DOCK10: variants seen among roughly 807,000 people sequenced by gnomAD.
The protein encoded by DOCK10 is dedicator of cytokinesis protein 10.
Under a neutral mutation model 280.1 loss-of-function variants are expected in DOCK10, and 145 were observed. That is an observed-to-expected ratio of 0.52 (90% CI 0.45 to 0.59). The LOEUF is 0.59. Ranked by LOEUF, DOCK10 falls within the 20% of genes least tolerant of loss-of-function variation. The probability of loss-of-function intolerance (pLI) is 0.00; values close to 1 mark genes in which losing one functional copy is unlikely to be tolerated. For synonymous variants in DOCK10, 915 were observed against 942.2 expected (o/e 0.97, Z 0.53); for missense variants, 2,368 against 2,651.7 (o/e 0.89, Z 2.35).
Position 224,805,662 on chromosome 2 carries a change from C to A in DOCK10, c.3815-133G>T. ...GTGTTGTCAAAGACCAACATAACAG[C>A]GTCTGGGATTGGCATTAAAGCCAGC... is the stretch of plus-strand genomic sequence containing the variant. On this transcript the variant is annotated intron_variant, in intron 34 of 55. Transcript: ENST00000258390. This position sits in a 1 kb window ranked among gnomAD's most constrained non-coding sequence, Gnocchi z 4.3. The A allele has an allele frequency of 1.7e-6, 2 of 1,166,004 alleles. No individual in the cohort carries two copies. The highest frequency in any genetic ancestry group is 2.4e-6 in the Non-Finnish European group (2 of 839,128). The allele number at this position is 1,166,004 out of a possible 1,614,324, so 72.2% of individuals were successfully genotyped here.
intron 1 of DOCK10, among the ~76,000 whole-genome samples, chr2:224,996,641 A>G (rs1211644266): frequency 6.6e-6 from 1 of 152,228 alleles, no homozygotes; most frequent in Non-Finnish European, 1.5e-5. Context: ...AAATCAAATA[A>G]GAAAATCCAT....
rs1276750585 is a variant in DOCK10, at chr2:224,770,724, G to T, written c.6205-79C>A. The stretch of plus-strand genomic sequence containing the variant: ...CCACCGCTGGAAGAGGAGCAACTGT[G>T]CACCAATGGTGTGGTACCCCCATCT... On this transcript the variant is annotated intron_variant, in intron 53 of 55. Transcript: ENST00000258390. This position sits in a 1 kb window ranked among gnomAD's most constrained non-coding sequence, Gnocchi z 4.5. 1.9e-6 allele frequency: 2 copies of T among 1,029,870 alleles called. No individual in the cohort carries two copies. Among genetic ancestry groups the T allele is most frequent in the East Asian group, 4.8e-5 (2 of 41,878 alleles). The allele number at this position is 1,029,870 out of a possible 1,614,324, so 63.8% of individuals were successfully genotyped here. A position where few individuals can be genotyped will look rare whatever the true frequency, so the allele number is the denominator to read the frequency against.
At chr2:224,810,221 T>A (rs1219845359) in intron 31 of DOCK10, among the ~76,000 whole-genome samples, 1 of 152,150 alleles carries the variant, frequency 6.6e-6, no homozygotes, top group African/African-American at 2.4e-5. Context: ...TTCACCACTA[T>A]GCAATCTATG....
chr2:224,797,810 A>T (rs903495885), intron 42 of DOCK10, 22 bp downstream of exon 42: 3 of 1,607,522 alleles, frequency 1.9e-6, no homozygotes, highest in African/African-American at 1.3e-5. Flanking sequence ...CCTAAACTTC[A>T]TTGAAACCTG....
At chr2:224,851,895 C>T (rs1696769317) in intron 18 of DOCK10, among the ~76,000 whole-genome samples, 2 of 152,082 alleles carry the variant, frequency 1.3e-5, no homozygotes, top group South Asian at 2.1e-4. Context: ...GATCAGCAAC[C>T]GGGACTGACT....
chr2:224,854,858 A>G (rs897182735), intron 16 of DOCK10, 105 bp downstream of exon 16: 18 of 274,508 alleles, frequency 6.6e-5, no homozygotes, highest in Admixed American at 1.2e-4. Context: ...CAACTAGCCA[A>G]CCAACCAACC....
chr2:224,852,371 G>A lies in DOCK10; in HGVS notation c.2142+6C>T. On this transcript the variant is annotated splice_donor_region_variant and intron_variant, in intron 18 of 55. Coordinates refer to ENST00000258390, the MANE Select transcript of DOCK10 (RefSeq NM_014689.3). The stretch of plus-strand genomic sequence containing the variant: ...TATGCTGGGTCCCTTTGCTGACTTG[G>A]CTCACCTTCAGGGGCTTGGCACTTT... 6.4e-7 allele frequency: 1 copy of A among 1,566,714 alleles called. No individual in the cohort carries two copies. The highest frequency in any genetic ancestry group is 8.7e-7 in the Non-Finnish European group (1 of 1,154,358).
At chr2:224,961,434 C>CTT (rs1386418395) in intron 1 of DOCK10, among the ~76,000 whole-genome samples, 7 of 126,890 alleles carry the variant, frequency 5.5e-5, no homozygotes, top group Non-Finnish European at 1.0e-4. Flanking sequence ...TTCTTTCTTT[C>CTT]TTTCTTTCTT....
intron 1 of DOCK10, among the ~76,000 whole-genome samples, chr2:225,019,598 T>C (rs76312489): frequency 6.0e-4 from 92 of 152,260 alleles, no homozygotes; most frequent in African/African-American, 2.0e-3. Context: ...CGCTGCTCAA[T>C]GCCTACTATT....
At chr2:224,963,007 G>GT (rs1006202371) in intron 1 of DOCK10, among the ~76,000 whole-genome samples, 1 of 151,904 alleles carries the variant, frequency 6.6e-6, no homozygotes, top group Non-Finnish European at 1.5e-5. Context: ...CTGGTTACTA[G>GT]TTTTTTTTGA....
intron 31 of DOCK10, 100 bp from the exon 32 acceptor site, chr2:224,808,186 A>T (rs1358063128): frequency 9.4e-7 from 1 of 1,063,590 alleles, no homozygotes; most frequent in Non-Finnish European, 1.4e-6. Context: ...TTCTTCCACC[A>T]CTAGGAGGGA....
At chr2:224,989,738 A>G (rs1252604821) in intron 1 of DOCK10, among the ~76,000 whole-genome samples, 2 of 152,130 alleles carry the variant, frequency 1.3e-5, no homozygotes, top group Admixed American at 1.3e-4. Flanking sequence ...GAAAAGTGGA[A>G]AACACAACCC....
intron 24 of DOCK10, among the ~76,000 whole-genome samples, chr2:224,839,189 C>T (rs1469799997): frequency 6.6e-6 from 1 of 152,092 alleles, no homozygotes; most frequent in Non-Finnish European, 1.5e-5. Context: ...TGCCATTCTC[C>T]TGCCTCAGCC....
rs550556955 is a variant in DOCK10, at chr2:224,964,198, T to C, written c.124-32530A>G. ...GATGTAATAAAAATATGTCATAGAA[T>C]TCAAAGTGAATTAGAACAACTACAA... On this transcript the variant is annotated intron_variant, in intron 1 of 55. Transcript: ENST00000258390. Among the ~76,000 whole-genome samples the C allele has an allele frequency of 2.6e-5, 4 of 152,340 alleles. No homozygotes were observed. The East Asian group carries it at 7.7e-4, about 29-fold the overall frequency.
chr2:225,039,686 TTCTCTCTCTC>T lies in DOCK10; in HGVS notation c.123+2556_123+2565del, dbSNP rs5839087. 2.7e-4 allele frequency among the ~76,000 whole-genome samples: 41 copies of T among 150,168 alleles called. 1 individual carries two copies. The East Asian group carries it at 4.6e-3, about 17-fold the overall frequency. On this transcript the variant is annotated intron_variant, in intron 1 of 55. Transcript: ENST00000258390. ...AAACACATTTTGAAGGCTTCCTGTC[TTCTCTCTCTC>T]TCTCTCTCTCTCTCTCTGTATACAC... is the stretch of plus-strand genomic sequence containing the variant.
intron 3 of DOCK10, among the ~76,000 whole-genome samples, chr2:224,912,030 C>G (rs1482903573): frequency 6.6e-6 from 1 of 152,002 alleles, no homozygotes; most frequent in Non-Finnish European, 1.5e-5. Flanking sequence ...CTGAAGTAGT[C>G]TTTTAGGTAT....
intron 1 of DOCK10, among the ~76,000 whole-genome samples, chr2:224,947,229 A>G (rs1703470929): frequency 6.6e-6 from 1 of 152,248 alleles, no homozygotes; most frequent in Non-Finnish European, 1.5e-5. Flanking sequence ...GACGTTTAAG[A>G]GAATTGTTCA....
intron 1 of DOCK10, among the ~76,000 whole-genome samples, chr2:224,993,411 AC>A (rs1397127178): frequency 6.6e-6 from 1 of 152,110 alleles, no homozygotes; most frequent in East Asian, 1.9e-4. Flanking sequence ...TATTGGGAAA[AC>A]CCAGTGAAAA....
chr2:224,961,035 GC>G (rs1468701059), intron 1 of DOCK10, among the ~76,000 whole-genome samples: 5 of 152,156 alleles, frequency 3.3e-5, no homozygotes, highest in African/African-American at 9.7e-5. Context: ...ACCGCGCCCG[GC>G]CCCCATCACC....
Sources: allele counts gnomAD v4.1 joint callset (sites outside exome capture counted in the v4.1 genomes callset), GRCh38; gene constraint gnomAD v4.1.1; non-coding constraint Gnocchi (gnomAD v3.1); transcripts MANE v1.5; gene names NCBI Gene and HGNC (gene_info 2026-07-23, HGNC 2026-07-21).